PAPPA2: variants seen among roughly 807,000 people sequenced by gnomAD.
The protein encoded by PAPPA2 is pappalysin 2.
In PAPPA2, 86 loss-of-function variants were observed where a neutral mutation model predicts 176.4. The observed-to-expected ratio is 0.49, with a 90% CI of 0.41 to 0.58. The LOEUF is 0.58. Ranked by LOEUF, PAPPA2 falls within the 20% of genes least tolerant of loss-of-function variation. The probability of loss-of-function intolerance (pLI) is 0.00; values close to 1 mark genes in which losing one functional copy is unlikely to be tolerated. For missense variants in PAPPA2, 2,073 were observed against 2,256.9 expected (o/e 0.92, Z 1.65); for synonymous variants, 809 against 852.2 (o/e 0.95, Z 0.88).
At chr1:176,652,412 C>T (rs1657779614) in intron 3 of PAPPA2, among the ~76,000 whole-genome samples, 1 of 151,586 alleles carries the variant, frequency 6.6e-6, no homozygotes, top group South Asian at 2.1e-4. Flanking sequence ...ACCTTAAGTC[C>T]AGATTTACCT....
Position 176,634,679 on chromosome 1 carries a change from G to A in PAPPA2, c.1992-36291G>A, listed in dbSNP as rs115343236. On this transcript the variant is annotated intron_variant, in intron 3 of 22. Coordinates refer to ENST00000367662, the MANE Select transcript of PAPPA2 (RefSeq NM_020318.3). ...TTGATTTTGGGAGTGACAGTAAGGCGCTATTGAGTACATAGATGAAGACAG... is the reference window on the plus strand; with the variant it reads ...TTGATTTTGGGAGTGACAGTAAGGCACTATTGAGTACATAGATGAAGACAG... 9.9e-3 allele frequency among the ~76,000 whole-genome samples: 1,501 copies of A among 151,778 alleles called. 23 individuals carry two copies. The highest frequency in any genetic ancestry group is 0.032 in the African/African-American group (1,327 of 41,444).
At chr1:176,589,626 C>T (rs1367084443) in intron 2 of PAPPA2, among the ~76,000 whole-genome samples, 1 of 152,170 alleles carries the variant, frequency 6.6e-6, no homozygotes, top group Non-Finnish European at 1.5e-5. Context: ...AATCCATGGG[C>T]TATCATAGTT....
At chr1:176,519,921 T>C (rs1178008366) in intron 1 of PAPPA2, among the ~76,000 whole-genome samples, 2 of 152,204 alleles carry the variant, frequency 1.3e-5, no homozygotes, top group African/African-American at 4.8e-5. Flanking sequence ...CTGTGTTTCT[T>C]CTATAAGGTG....
chr1:176,620,792 A>G (rs899361965), intron 3 of PAPPA2, among the ~76,000 whole-genome samples: 2 of 152,252 alleles, frequency 1.3e-5, no homozygotes, highest in Admixed American at 1.3e-4. Context: ...TCTGAGGGTC[A>G]GAAATCTGTG....
chr1:176,631,724 A>C (rs1211302318), intron 3 of PAPPA2, among the ~76,000 whole-genome samples: 1 of 152,168 alleles, frequency 6.6e-6, no homozygotes, highest in Non-Finnish European at 1.5e-5. Context: ...GTAAGAGTGA[A>C]TGGAAAGTGA....
intron 21 of PAPPA2, among the ~76,000 whole-genome samples, chr1:176,811,322 A>G (rs1034383344): frequency 6.6e-6 from 1 of 152,200 alleles, no homozygotes; most frequent in Non-Finnish European, 1.5e-5. Context: ...ATATGTTGTC[A>G]TATAAATTAT....
chr1:176,720,097 GT>G (rs919921764), intron 12 of PAPPA2, among the ~76,000 whole-genome samples: 3 of 152,160 alleles, frequency 2.0e-5, no homozygotes, highest in Admixed American at 6.6e-5. Flanking sequence ...TGGGAGACTG[GT>G]TTTAGTTAGC....
At chr1:176,506,070 C>A (rs10159225) in intron 1 of PAPPA2, among the ~76,000 whole-genome samples, 12,018 of 152,072 alleles carry the variant, frequency 0.079, 586 homozygotes, top group South Asian at 0.15. Flanking sequence ...GTGTGGCTAG[C>A]CAGTTATCCC....
chr1:176,626,042 T>A (rs796526270), intron 3 of PAPPA2, among the ~76,000 whole-genome samples: 7 of 151,536 alleles, frequency 4.6e-5, no homozygotes, highest in African/African-American at 1.7e-4. Flanking sequence ...TTGTAAAAAT[T>A]AAAAAAAAAT....
At chr1:176,734,297 A>T (rs944052842) in intron 12 of PAPPA2, among the ~76,000 whole-genome samples, 2 of 151,962 alleles carry the variant, frequency 1.3e-5, no homozygotes, top group African/African-American at 2.4e-5. Flanking sequence ...GGACTTGACA[A>T]ATCATACATT....
At chr1:176,506,760 T>G (rs888321416) in intron 1 of PAPPA2, among the ~76,000 whole-genome samples, 7 of 152,092 alleles carry the variant, frequency 4.6e-5, no homozygotes, top group African/African-American at 1.7e-4. Flanking sequence ...TGTGTAGTCT[T>G]TAGGGTTTTC....
At chr1:176,664,130 A>T (rs1268626990) in intron 3 of PAPPA2, among the ~76,000 whole-genome samples, 1 of 152,156 alleles carries the variant, frequency 6.6e-6, no homozygotes, top group Non-Finnish European at 1.5e-5. Flanking sequence ...TATTACTTTG[A>T]AGTGAAAAGA....
intron 9 of PAPPA2, among the ~76,000 whole-genome samples, chr1:176,703,226 T>C (rs887473416): frequency 2.6e-5 from 4 of 152,216 alleles, no homozygotes; most frequent in Non-Finnish European, 5.9e-5. Context: ...ATGCAACCCT[T>C]AGTAGAACTG....
At chr1:176,671,188 T>G in intron 4 of PAPPA2, 73 bp downstream of exon 4, 2 of 1,578,474 alleles carry the variant, frequency 1.3e-6, no homozygotes, top group South Asian at 2.3e-5. Flanking sequence ...AAAGTAAGTT[T>G]GGGGAAAAAA....
intron 14 of PAPPA2, among the ~76,000 whole-genome samples, chr1:176,745,062 GGT>G (rs1662845520): frequency 6.6e-6 from 1 of 152,118 alleles, no homozygotes. Flanking sequence ...TTGCCAATCA[GGT>G]GTGCTAGTTA....
chr1:176,556,094 C>A lies in PAPPA2; in HGVS notation c.-229C>A. 1 of 560,992 alleles carries A rather than the reference C, an allele frequency of 1.8e-6. No individual in the cohort carries two copies. Among genetic ancestry groups the A allele is most frequent in the Non-Finnish European group, 3.1e-6 (1 of 318,414 alleles). 34.8% of individuals were successfully genotyped at this position (560,992 alleles called of 1,614,324 possible). On this transcript the variant is annotated 5_prime_UTR_variant, in exon 2 of 23. The change creates a premature stop within an existing upstream ORF in the 5' untranslated region. Transcript: ENST00000367662. ...GGAGAGAGGTCAAGCGAGAAGCGTG[C>A]GGGAAGCACATGCCCTGGGGAGGCA...
chr1:176,512,736 A>T (rs1429923794), intron 1 of PAPPA2, among the ~76,000 whole-genome samples: 1 of 152,196 alleles, frequency 6.6e-6, no homozygotes, highest in African/African-American at 2.4e-5. Context: ...TGTACTTCAA[A>T]TGGGCATTTT....
intron 4 of PAPPA2, among the ~76,000 whole-genome samples, chr1:176,680,144 T>C (rs1659512771): frequency 6.6e-6 from 1 of 152,194 alleles, no homozygotes; most frequent in Admixed American, 6.5e-5. Context: ...GGAGATAGAC[T>C]CTTCAATACT....
At chr1:176,652,620 G>T (rs561301985) in intron 3 of PAPPA2, among the ~76,000 whole-genome samples, 1 of 151,806 alleles carries the variant, frequency 6.6e-6, no homozygotes, top group African/African-American at 2.4e-5. Context: ...AGAGTTTCCA[G>T]GGCTGGGGAT....
Sources: gnomAD v4.1 joint callset for allele counts (sites outside exome capture counted in the v4.1 genomes callset) on GRCh38, gnomAD v4.1.1 for gene constraint, MANE v1.5 for transcripts, NCBI Gene and HGNC (gene_info 2026-07-23, HGNC 2026-07-21) for gene names.